ACBD5: variants seen among roughly 807,000 people sequenced by gnomAD.
The protein encoded by ACBD5 is acyl-CoA-binding domain-containing protein 5.
ACBD5 carries 40 observed loss-of-function variants against 71.8 expected under a neutral mutation model. The ratio of observed to expected loss-of-function variants is 0.56; its 90% CI spans 0.43 to 0.72. The LOEUF is 0.72. Ranked by LOEUF, ACBD5 falls within the 30% of genes least tolerant of loss-of-function variation. ACBD5 has a pLI of 0.00. For synonymous variants in ACBD5, 229 were observed against 218.6 expected, an observed-to-expected ratio of 1.05 and a Z score of -0.42; for missense variants, 559 against 644.5, an observed-to-expected ratio of 0.87 and a Z score of 1.44.
rs1458759807 is a variant in ACBD5 at position 27,205,139 on chromosome 10, A to C, written c.1455+59T>G. 4 of 1,551,224 alleles carry C rather than the reference A, an allele frequency of 2.6e-6. 1 individual carries two copies. Among genetic ancestry groups the C allele is most frequent in the South Asian group, 2.2e-5 (2 of 89,806 alleles). On this transcript the variant is annotated intron_variant, in intron 11 of 12. Transcript: ENST00000396271. ...GAGACTCCGTATCAAACAAAAACAA[A>C]AACAACAACAAAAAACATATGAAAC...
chr10:27,237,077 G>A (rs1427065237), intron 2 of ACBD5, among the ~76,000 whole-genome samples: 1 of 151,600 alleles, frequency 6.6e-6, no homozygotes, highest in Non-Finnish European at 1.5e-5. Context: ...TAAAGCAGAG[G>A]GAAAAAAATG....
In ACBD5 at chr10:27,183,013, CT is replaced by C. The variant is rs957017072; in HGVS notation, c.1494-299del. On this transcript the variant is annotated intron_variant, in intron 13 of 13. Transcript: ENST00000676511. ...ATAAAGTTAAGGAAATACAGGAAAT[CT>C]TTTTTTATGAAACCCTCTGTTCTGT... Among the ~76,000 whole-genome samples the C allele has an allele frequency of 2.7e-4, 41 of 152,038 alleles. 1 individual carries two copies. The highest frequency in any genetic ancestry group is 7.7e-4 in the East Asian group (4 of 5,174).
chr10:27,191,565 AT>A (rs1208871957), downstream of ACBD5, among the ~76,000 whole-genome samples: 6 of 152,116 alleles, frequency 3.9e-5, no homozygotes, highest in Non-Finnish European at 7.4e-5. Context: ...TCCACTTGAT[AT>A]TGTTGTAAAC....
At chr10:27,218,493 T>C (rs1237548970) in intron 6 of ACBD5, among the ~76,000 whole-genome samples, 1 of 152,050 alleles carries the variant, frequency 6.6e-6, no homozygotes, top group African/African-American at 2.4e-5. Context: ...GACCTAGCAG[T>C]GCGAAGGGGT....
At chr10:27,204,335 T>C in intron 12 of ACBD5, 105 bp downstream of exon 12, 1 of 774,898 alleles carries the variant, frequency 1.3e-6, no homozygotes, top group Middle Eastern at 2.5e-4. Flanking sequence ...ACTATGACGA[T>C]GTATCTATAA....
At chr10:27,240,839 G>T (rs1381170488), upstream of ACBD5, 7 of 1,233,500 alleles carry the variant, frequency 5.7e-6, no homozygotes, top group East Asian at 2.5e-5. This position sits in a 1 kb window ranked among gnomAD's most constrained non-coding sequence, Gnocchi z 4.1. Context: ...CAGAGTCACC[G>T]GAGGACCCAC....
chr10:27,204,365 AATT>A (rs1448550445), intron 12 of ACBD5, 72 bp downstream of exon 12: 4 of 1,076,534 alleles, frequency 3.7e-6, no homozygotes, highest in Non-Finnish European at 5.7e-6. Flanking sequence ...AGCATCCCTT[AATT>A]GCTGCTGAAA....
chr10:27,187,901 TAAA>T (rs1047526148), intron 13 of ACBD5, among the ~76,000 whole-genome samples: 2 of 152,206 alleles, frequency 1.3e-5, no homozygotes, highest in African/African-American at 4.8e-5. Context: ...GATTGGTCCT[TAAA>T]AAACAAAACA....
At chr10:27,202,626 T>C (rs566551442) in intron 12 of ACBD5, among the ~76,000 whole-genome samples, 1 of 152,318 alleles carries the variant, frequency 6.6e-6, no homozygotes, top group Admixed American at 6.5e-5. Context: ...GCTGCTTCCA[T>C]CTTAAGCATA....
intron 4 of ACBD5, among the ~76,000 whole-genome samples, chr10:27,227,735 CAG>C (rs879347894): frequency 2.6e-5 from 4 of 151,996 alleles, no homozygotes; most frequent in Admixed American, 6.6e-5. Context: ...TTTTCTGAGA[CAG>C]AGTCTCGCTC....
At chr10:27,223,028 T>C (rs554221807) in intron 5 of ACBD5, among the ~76,000 whole-genome samples, 6 of 152,352 alleles carry the variant, frequency 3.9e-5, no homozygotes. Context: ...TGTATTTTAA[T>C]AGCTTACCAC....
At chr10:27,215,164 T>TA (rs1243121608) in intron 8 of ACBD5, among the ~76,000 whole-genome samples, 3 of 148,818 alleles carry the variant, frequency 2.0e-5, no homozygotes, top group Non-Finnish European at 3.0e-5. Context: ...ACCCCATCTC[T>TA]AAAAAACAAA....
intron 4 of ACBD5, among the ~76,000 whole-genome samples, chr10:27,231,452 G>C (rs565628706): frequency 1.3e-5 from 2 of 152,326 alleles, no homozygotes; most frequent in East Asian, 3.9e-4. Flanking sequence ...GGAAGGCGGA[G>C]ATTGCAGTGA....
At chr10:27,185,088 C>A (rs142905680) in intron 13 of ACBD5, among the ~76,000 whole-genome samples, 1 of 152,136 alleles carries the variant, frequency 6.6e-6, no homozygotes, top group African/African-American at 2.4e-5. Flanking sequence ...GAACTGTCAT[C>A]AGTATCTATT....
intron 5 of ACBD5, among the ~76,000 whole-genome samples, chr10:27,222,103 G>A (rs1259019306): frequency 1.3e-5 from 2 of 151,992 alleles, no homozygotes; most frequent in African/African-American, 4.8e-5. Context: ...GTTTATGACC[G>A]TGACAAGGAC....
At chr10:27,208,170 A>G in intron 10 of ACBD5, 76 bp downstream of exon 10, 4 of 1,405,942 alleles carry the variant, frequency 2.8e-6, no homozygotes, top group Non-Finnish European at 4.0e-6. Context: ...ATTTATGTCA[A>G]TATGATCAAC....
chr10:27,186,108 A>T (rs980967325), intron 13 of ACBD5, among the ~76,000 whole-genome samples: 24 of 152,230 alleles, frequency 1.6e-4, no homozygotes, highest in African/African-American at 5.5e-4. Flanking sequence ...GCTGTGAGAA[A>T]GATAGGCTTC....
At chr10:27,186,575 A>G in intron 13 of ACBD5, 1 of 1,539,924 alleles carries the variant, frequency 6.5e-7, no homozygotes, top group South Asian at 1.1e-5. Flanking sequence ...TGTGTTATAG[A>G]ATGAACTTGC....
chr10:27,223,043 G>A (rs932332996), intron 5 of ACBD5, among the ~76,000 whole-genome samples: 1 of 152,064 alleles, frequency 6.6e-6, no homozygotes, highest in South Asian at 2.1e-4. Flanking sequence ...TACCACTTAA[G>A]GGTTAAAATT....
Sources: gnomAD v4.1 joint callset for allele counts (sites outside exome capture counted in the v4.1 genomes callset) on GRCh38, gnomAD v4.1.1 for gene constraint, Gnocchi (gnomAD v3.1) non-coding constraint, MANE v1.5 for transcripts, NCBI Gene and HGNC (gene_info 2026-07-23, HGNC 2026-07-21) for gene names.